The following FGF13 variants were observed in gnomAD, a reference collection of about 807,000 sequenced individuals.
FGF13 encodes fibroblast growth factor 13.
Under a neutral mutation model 19.5 loss-of-function variants are expected in FGF13, and 2 were observed. The ratio of observed to expected loss-of-function variants is 0.10; its 90% confidence interval spans 0.04 to 0.32. FGF13 has a LOEUF of 0.32. Ranked by LOEUF, FGF13 falls within the 10% of genes least tolerant of loss-of-function variation. FGF13 has a pLI of 1.00. For missense variants in FGF13, 113 were observed against 192.7 expected (o/e 0.59, Z 2.45); for synonymous variants, 72 against 76.9 (o/e 0.94, Z 0.33).
At chrX:138,899,031 G>A (rs958418008) in intron 1 of FGF13, among the ~76,000 whole-genome samples, 6 of 111,541 alleles carry the variant, frequency 5.4e-5, no homozygotes, top group South Asian at 7.5e-4. Context: ...GCTCCATCAC[G>A]ATTCCAGCCG....
At chrX:139,016,908 G>A (rs1212506253) in intron 1 of FGF13, among the ~76,000 whole-genome samples, 3 of 111,054 alleles carry the variant, frequency 2.7e-5, no homozygotes, top group Non-Finnish European at 5.7e-5. Context: ...ATCTCTTTCA[G>A]TCAAAGTAAT....
In FGF13 at chrX:138,720,087, T is replaced by C. The variant is rs781744331; in HGVS notation, c.29-11159A>G. On this transcript the variant is annotated intron_variant, in intron 1 of 4. Coordinates refer to the FGF13 transcript ENST00000305414. ...CAAAAATACTAATAGCTCTAATGTA[T>C]TGAGCACCAACTCTACTCCGGGCAC... Among the ~76,000 whole-genome samples, 94 of 112,857 alleles carry C rather than the reference T, an allele frequency of 8.3e-4. No homozygotes were observed. In the Middle Eastern group the frequency reaches 0.014, roughly 17 times the overall value.
intron 1 of FGF13, among the ~76,000 whole-genome samples, chrX:139,117,365 C>CT (rs1450777851): frequency 9.0e-6 from 1 of 111,613 alleles, no homozygotes; most frequent in Non-Finnish European, 1.9e-5. Context: ...AAGCTCTATA[C>CT]TTTATGGTAC....
intron 1 of FGF13, among the ~76,000 whole-genome samples, chrX:138,725,787 C>T (rs187787769): frequency 1.8e-5 from 2 of 111,162 alleles, no homozygotes; most frequent in Admixed American, 9.6e-5. Flanking sequence ...TCCTCCCCCC[C>T]ACAACCCTCC....
chrX:138,853,059 C>A (rs766713544), downstream of FGF13, among the ~76,000 whole-genome samples: 1 of 111,621 alleles, frequency 9.0e-6, no homozygotes, highest in East Asian at 2.8e-4. Context: ...AGGAGACAGA[C>A]ATGGAACCTA....
chrX:139,097,789 C>A (rs189997953), intron 1 of FGF13, among the ~76,000 whole-genome samples: 1 of 111,219 alleles, frequency 9.0e-6, no homozygotes, highest in Non-Finnish European at 1.9e-5. Context: ...GCATAGGGAT[C>A]AGAAAGCAAG....
rs778583468 is a variant in FGF13 at position 138,963,160 on chromosome X, T to C, written c.-112-98510A>G. On this transcript the variant is annotated intron_variant, in intron 1 of 2. Coordinates refer to the FGF13 transcript ENST00000421460. ...TAAACTCTTTCAGGTTCCTAGAGTCTTTTCTCATGAGTCAGAAAAACCCTT... is the reference window on the plus strand; with the variant it reads ...TAAACTCTTTCAGGTTCCTAGAGTCCTTTCTCATGAGTCAGAAAAACCCTT... Among the ~76,000 whole-genome samples the C allele has an allele frequency of 5.0e-4, 56 of 112,736 alleles. 1 individual carries two copies. Among genetic ancestry groups the C allele is most frequent in the Admixed American group, 2.4e-3 (26 of 10,733 alleles).
intron 1 of FGF13, among the ~76,000 whole-genome samples, chrX:139,050,131 C>T (rs1055511981): frequency 9.0e-6 from 1 of 111,099 alleles, no homozygotes; most frequent in African/African-American, 3.3e-5. Context: ...TCAAGGCACT[C>T]TAATAGGGAA....
chrX:138,809,573 A>C (rs976794073), intron 3 of FGF13, among the ~76,000 whole-genome samples: 1 of 111,644 alleles, frequency 9.0e-6, no homozygotes, highest in African/African-American at 3.3e-5. Flanking sequence ...CCTATTCAAC[A>C]TAGTGTTTGA....
chrX:138,811,595 A>G (rs962928663), intron 3 of FGF13, among the ~76,000 whole-genome samples: 3 of 110,984 alleles, frequency 2.7e-5, no homozygotes, highest in Non-Finnish European at 5.7e-5. Context: ...AAAGTATAAT[A>G]ATAATAAAAA....
chrX:138,737,070 G>T (rs1052182066), intron 1 of FGF13, among the ~76,000 whole-genome samples: 2 of 111,571 alleles, frequency 1.8e-5, no homozygotes, highest in Admixed American at 9.5e-5. Context: ...CTTCTGGGCT[G>T]GGAAGGGTTA....
At chrX:139,075,700 G>C (rs1041606551) in intron 1 of FGF13, among the ~76,000 whole-genome samples, 3 of 111,889 alleles carry the variant, frequency 2.7e-5, no homozygotes, top group African/African-American at 9.7e-5. Flanking sequence ...CTCTTTTCCC[G>C]TCTATTTTCC....
In FGF13 at chrX:138,711,519, C is replaced by T; in HGVS notation, c.-516G>A. On this transcript the variant is annotated 5_prime_UTR_variant, in exon 1 of 5. Transcript: ENST00000315930. ...GGCAGCGCGCGGGGGAGCGCGCCCT[C>T]GCCCTGGCCCCTCCGAGTCTTCGAC... The T allele has an allele frequency of 1.3e-6, 1 of 756,413 alleles. No individual in the cohort carries two copies. Among genetic ancestry groups the T allele is most frequent in the Non-Finnish European group, 1.6e-6 (1 of 640,221 alleles). The allele number at this position is 756,413 out of a possible 1,213,427, so 62.3% of individuals were successfully genotyped here.
At chrX:139,121,167 A>C (rs187927670) in intron 1 of FGF13, among the ~76,000 whole-genome samples, 1 of 112,202 alleles carries the variant, frequency 8.9e-6, no homozygotes, top group Admixed American at 9.4e-5. Context: ...ATTCCTCAAT[A>C]GAGCTTGTCA....
At chrX:139,115,966 G>A (rs1004529056) in intron 1 of FGF13, among the ~76,000 whole-genome samples, 2 of 112,188 alleles carry the variant, frequency 1.8e-5, no homozygotes, top group African/African-American at 6.5e-5. Context: ...GGCCACTCCC[G>A]TTTTTGGAAT....
intron 1 of FGF13, among the ~76,000 whole-genome samples, chrX:138,891,961 T>C (rs914697810): frequency 4.7e-5 from 5 of 106,813 alleles, no homozygotes; most frequent in African/African-American, 1.7e-4. Context: ...TGTAAGTTAA[T>C]ACTTAAACTC....
chrX:138,657,179 T>C (rs1381426656), intron 3 of FGF13, among the ~76,000 whole-genome samples: 2 of 111,903 alleles, frequency 1.8e-5, no homozygotes, highest in Non-Finnish European at 1.9e-5. Context: ...GCCAATTAAT[T>C]GGCATATATT....
intron 3 of FGF13, among the ~76,000 whole-genome samples, chrX:138,671,645 G>A (rs1239006775): frequency 9.0e-6 from 1 of 111,141 alleles, no homozygotes; most frequent in Admixed American, 9.6e-5. Context: ...AAGCAAGTAC[G>A]TATTGATTCA....
At chrX:139,180,665 G>T (rs1411325680) in intron 1 of FGF13, among the ~76,000 whole-genome samples, 2 of 111,087 alleles carry the variant, frequency 1.8e-5, no homozygotes, top group African/African-American at 6.6e-5. Context: ...ACTGAAGATG[G>T]AGATGATGAT....
Sources: gnomAD v4.1 joint callset for allele counts (sites outside exome capture counted in the v4.1 genomes callset) on GRCh38, gnomAD v4.1.1 for gene constraint, MANE v1.5 for transcripts, NCBI Gene and HGNC (gene_info 2026-07-23, HGNC 2026-07-21) for gene names.